Variants in SLCO3A1 observed in about 807,000 individuals in gnomAD.
SLCO3A1 encodes PGE1 transporter.
SLCO3A1 carries 27 observed loss-of-function variants against 63.1 expected under a neutral mutation model. That is an observed-to-expected ratio of 0.43 (90% CI 0.32 to 0.59). The LOEUF (loss-of-function observed/expected upper bound fraction) is 0.59, where lower values mean the gene tolerates loss of function less well. Among genes scored for constraint, SLCO3A1 ranks in the 20% least tolerant of loss-of-function variants. The pLI, the probability that SLCO3A1 is intolerant of heterozygous loss-of-function variation, is 0.09. For synonymous variants in SLCO3A1, 473 were observed against 409.9 expected (o/e 1.15, Z -1.86); for missense variants, 773 against 945.8 (o/e 0.82, Z 2.40).
intron 2 of SLCO3A1, among the ~76,000 whole-genome samples, chr15:92,030,106 C>T (rs1384894094): frequency 6.6e-6 from 1 of 152,226 alleles, no homozygotes; most frequent in African/African-American, 2.4e-5. Context: ...CCTACCATAG[C>T]ATAGCAAAGT....
intron 2 of SLCO3A1, among the ~76,000 whole-genome samples, chr15:91,931,426 T>C (rs925668219): frequency 2.0e-5 from 3 of 151,854 alleles, no homozygotes; most frequent in African/African-American, 7.3e-5. Context: ...CCCCTCCTCC[T>C]CTTCCTCTGT....
At position 92,028,643 on chromosome 15, in the gene SLCO3A1, AAT is replaced by A. The variant is rs1214977064; in HGVS notation, c.647-66234_647-66233del. On this transcript the variant is annotated intron_variant, in intron 2 of 9. Transcript: ENST00000318445. ...CCTAATGCAATATTCAGACAGCCCA[AAT>A]ATAATCGTTTTAAGCTAGAATGATC... is the stretch of plus-strand genomic sequence containing the variant. 3.9e-5 allele frequency among the ~76,000 whole-genome samples: 6 copies of A among 152,258 alleles called. No homozygotes were observed. In the East Asian group the frequency reaches 1.2e-3, roughly 29 times the overall value.
intron 2 of SLCO3A1, among the ~76,000 whole-genome samples, chr15:91,918,071 G>A (rs1310453763): frequency 1.3e-5 from 2 of 149,728 alleles, no homozygotes; most frequent in African/African-American, 2.4e-5. Context: ...GCTTCCAGCC[G>A]TAGTCACTGA....
At chr15:91,932,029 G>C (rs1702960239) in intron 2 of SLCO3A1, among the ~76,000 whole-genome samples, 1 of 152,132 alleles carries the variant, frequency 6.6e-6, no homozygotes, top group African/African-American at 2.4e-5. Flanking sequence ...AGCTTTGGCT[G>C]GTAGGAAGCT....
chr15:91,946,555 GGTAGTGGTCAGAAGAATATTCT>G (rs1899814175), intron 2 of SLCO3A1, among the ~76,000 whole-genome samples: 1 of 152,248 alleles, frequency 6.6e-6, no homozygotes, highest in South Asian at 2.1e-4. Context: ...CCAAATATTA[GGTAGTGGTCAGAAGAATATTCT>G]GTAACTTTGG....
rs1337567172 is a variant in SLCO3A1 at position 91,956,986 on chromosome 15, A to C, written c.646+40528A>C. Among the ~76,000 whole-genome samples the C allele has an allele frequency of 4.0e-4, 6 of 14,976 alleles. 2 individuals are homozygous for C. The highest frequency in any genetic ancestry group is 3.1e-3 in the African/African-American group (3 of 960). 9.8% of individuals were successfully genotyped at this position (14,976 alleles called of 152,430 possible). On this transcript the variant is annotated intron_variant, in intron 2 of 9. Coordinates refer to ENST00000318445, the MANE Select transcript of SLCO3A1 (RefSeq NM_013272.4). ...TATATATATATATATAGTATATATA[A>C]TATATAGTATATATTATATATATAA...
chr15:92,136,043 G>C (rs77716205), intron 7 of SLCO3A1, among the ~76,000 whole-genome samples: 2,179 of 152,262 alleles, frequency 0.014, 63 homozygotes, highest in African/African-American at 0.05. Context: ...GCTTACTTGA[G>C]CCCAGGAGTT....
At chr15:92,018,274 C>T (rs1014981136) in intron 2 of SLCO3A1, among the ~76,000 whole-genome samples, 2 of 152,194 alleles carry the variant, frequency 1.3e-5, no homozygotes, top group African/African-American at 2.4e-5. Flanking sequence ...TTGGGTTTCC[C>T]TGGTGAGGGG....
intron 2 of SLCO3A1, among the ~76,000 whole-genome samples, chr15:92,079,645 G>A (rs1389808286): frequency 6.6e-6 from 1 of 152,228 alleles, no homozygotes; most frequent in Non-Finnish European, 1.5e-5. Context: ...CCCGCGGCCA[G>A]GGCTTCAACA....
At chr15:92,084,735 G>A (rs1324132066) in intron 2 of SLCO3A1, among the ~76,000 whole-genome samples, 1 of 152,162 alleles carries the variant, frequency 6.6e-6, no homozygotes, top group East Asian at 1.9e-4. Flanking sequence ...CTCTCACCCA[G>A]CCCCACAGGC....
intron 4 of SLCO3A1, among the ~76,000 whole-genome samples, chr15:92,117,347 C>A (rs547095375): frequency 4.6e-5 from 7 of 152,270 alleles, no homozygotes; most frequent in African/African-American, 1.2e-4. Flanking sequence ...TGTGACCAAG[C>A]GTGGCTGTGA....
chr15:92,083,602 A>G (rs1223609580), intron 2 of SLCO3A1, among the ~76,000 whole-genome samples: 1 of 152,160 alleles, frequency 6.6e-6, no homozygotes, highest in South Asian at 2.1e-4. Flanking sequence ...AGAGAATCGT[A>G]TTTGTCTCTA....
intron 4 of SLCO3A1, among the ~76,000 whole-genome samples, chr15:92,115,120 G>A (rs185547016): frequency 3.9e-4 from 60 of 152,196 alleles, no homozygotes; most frequent in Non-Finnish European, 6.9e-4. Flanking sequence ...GAAATACACC[G>A]AGAGTCCAGC....
chr15:92,021,151 T>C (rs2046504407), intron 2 of SLCO3A1, among the ~76,000 whole-genome samples: 1 of 152,226 alleles, frequency 6.6e-6, no homozygotes, highest in South Asian at 2.1e-4. Flanking sequence ...CTTGTTGTCA[T>C]CATCGCATCC....
intron 2 of SLCO3A1, among the ~76,000 whole-genome samples, chr15:92,037,042 A>G (rs774121014): frequency 1.1e-4 from 16 of 152,198 alleles, no homozygotes; most frequent in Non-Finnish European, 2.1e-4. Flanking sequence ...ACAGAAGCGA[A>G]TAAAACCAAA....
chr15:91,966,581 G>T (rs942838856), intron 2 of SLCO3A1, among the ~76,000 whole-genome samples: 1 of 152,212 alleles, frequency 6.6e-6, no homozygotes, highest in Non-Finnish European at 1.5e-5. Flanking sequence ...ACTGTGTCTA[G>T]CACCCAAATT....
intron 2 of SLCO3A1, among the ~76,000 whole-genome samples, chr15:92,019,470 T>C (rs1381505473): frequency 5.3e-5 from 8 of 152,224 alleles, no homozygotes; most frequent in Admixed American, 5.2e-4. Context: ...ATAAGCTTCG[T>C]TAATCACTGC....
intron 4 of SLCO3A1, among the ~76,000 whole-genome samples, chr15:92,116,901 A>T (rs2047802231): frequency 6.6e-6 from 1 of 152,198 alleles, no homozygotes; most frequent in Non-Finnish European, 1.5e-5. Context: ...GGGAAAAAAA[A>T]AGAATGTTCT....
chr15:92,126,367 C>T (rs556184091), intron 6 of SLCO3A1, 108 bp downstream of exon 6: 34 of 842,666 alleles, frequency 4.0e-5, no homozygotes, highest in Middle Eastern at 3.4e-4. Context: ...CCTGAGGAGA[C>T]GCATCACGGC....
Sources: allele counts gnomAD v4.1 joint callset (sites outside exome capture counted in the v4.1 genomes callset), GRCh38; gene constraint gnomAD v4.1.1; transcripts MANE v1.5; gene names NCBI Gene and HGNC (gene_info 2026-07-23, HGNC 2026-07-21).